The following PACRG variants were observed in gnomAD, a reference collection of about 807,000 sequenced individuals.
PACRG encodes parkin coregulated gene protein.
PACRG carries 29 observed loss-of-function variants against 29.7 expected under a neutral mutation model. The observed-to-expected ratio is 0.98, with a 90% CI of 0.73 to 1.33. PACRG has a LOEUF of 1.33. PACRG is among the 40% of genes most tolerant of loss of function. The pLI is 0.00. For missense variants in PACRG, 279 were observed against 316.2 expected (o/e 0.88, Z 0.89); for synonymous variants, 116 against 118.7 (o/e 0.98, Z 0.15).
intron 2 of PACRG, among the ~76,000 whole-genome samples, chr6:162,890,252 T>G (rs1038318762): frequency 1.1e-4 from 17 of 152,212 alleles, no homozygotes; most frequent in African/African-American, 3.6e-4. Context: ...AAGATTTAAG[T>G]GATAAAATGT....
At chr6:163,033,732 T>C (rs764518452) in intron 2 of PACRG, among the ~76,000 whole-genome samples, 11 of 152,196 alleles carry the variant, frequency 7.2e-5, no homozygotes, top group Admixed American at 1.3e-4. Flanking sequence ...CAGGCCACCA[T>C]TGTGAAAAGA....
At chr6:163,119,072 T>A (rs1421675682) in intron 4 of PACRG, among the ~76,000 whole-genome samples, 1 of 152,248 alleles carries the variant, frequency 6.6e-6, no homozygotes, top group Admixed American at 6.5e-5. Flanking sequence ...CTTTCAGGCA[T>A]GAGCAGGAAA....
At chr6:162,791,505 C>T (rs766868333) in intron 1 of PACRG, among the ~76,000 whole-genome samples, 8 of 152,020 alleles carry the variant, frequency 5.3e-5, no homozygotes, top group Non-Finnish European at 1.5e-5. Context: ...ATTGCCTGAT[C>T]CTTCTAAAGT....
At chr6:163,303,455 C>T (rs192854521) in intron 4 of PACRG, among the ~76,000 whole-genome samples, 1 of 152,330 alleles carries the variant, frequency 6.6e-6, no homozygotes, top group East Asian at 1.9e-4. Flanking sequence ...AGTCTGATAG[C>T]AGCTGCCAGG....
Position 163,314,874 on chromosome 6 carries a change from A to T in PACRG, c.661A>T (p.Ile221Phe). The change falls in exon 5 of 5, where the codon ATT becomes TTT. Residue 221 changes from isoleucine (I) to phenylalanine (F), a missense_variant. Coordinates refer to ENST00000366888, the MANE Select transcript of PACRG (RefSeq NM_001080379.2). Reference sequence around the variant, plus strand: ...CTACAGCCAGCAGAAGAGGGAGAACATTGGGGACTTGATCCAGGAGACACT... The same window carrying T: ...CTACAGCCAGCAGAAGAGGGAGAACTTTGGGGACTTGATCCAGGAGACACT... ...IDYSQQKRENIGDLIQETLEA... is the reference protein window; with the variant it reads ...IDYSQQKRENFGDLIQETLEA... 6.2e-7 allele frequency: 1 copy of T among 1,614,184 alleles called. No homozygotes were observed.
intron 2 of PACRG, among the ~76,000 whole-genome samples, chr6:162,964,900 C>T (rs181110579): frequency 1.0e-3 from 154 of 152,330 alleles, no homozygotes; most frequent in Non-Finnish European, 1.8e-3. Context: ...GGGAAATTCT[C>T]CAAGAGCTTT....
intron 4 of PACRG, among the ~76,000 whole-genome samples, chr6:163,134,149 C>T (rs536121233): frequency 1.3e-5 from 2 of 152,144 alleles, no homozygotes; most frequent in Non-Finnish European, 2.9e-5. Flanking sequence ...CTTTCCCTTC[C>T]GTTCCATGTC....
At chr6:162,771,502 A>G (rs1022022675) in intron 1 of PACRG, among the ~76,000 whole-genome samples, 1 of 152,064 alleles carries the variant, frequency 6.6e-6, no homozygotes, top group Admixed American at 6.6e-5. Flanking sequence ...GCGGGAGTGG[A>G]GGTGGCTTCT....
At chr6:163,073,158 C>T (rs1812232561) in intron 3 of PACRG, among the ~76,000 whole-genome samples, 1 of 152,030 alleles carries the variant, frequency 6.6e-6, no homozygotes, top group Admixed American at 6.6e-5. Flanking sequence ...CTATCCGAAG[C>T]AAAAAGAATA....
At chr6:162,924,391 C>T (rs750060316) in intron 2 of PACRG, among the ~76,000 whole-genome samples, 4 of 151,910 alleles carry the variant, frequency 2.6e-5, no homozygotes, top group East Asian at 1.9e-4. Flanking sequence ...CTTTATCTTG[C>T]GTAATTGCTC....
At chr6:163,300,110 G>A (rs1381282975) in intron 4 of PACRG, among the ~76,000 whole-genome samples, 1 of 152,214 alleles carries the variant, frequency 6.6e-6, no homozygotes. Context: ...CAGAAAATCA[G>A]TTGAGCCCTT....
chr6:162,807,745 G>A (rs1786480046), intron 1 of PACRG, among the ~76,000 whole-genome samples: 1 of 152,128 alleles, frequency 6.6e-6, no homozygotes, highest in Non-Finnish European at 1.5e-5. Context: ...GAGACATGAA[G>A]TGAGCCGATG....
chr6:163,274,714 G>A (rs1438389455), intron 4 of PACRG, among the ~76,000 whole-genome samples: 2 of 152,140 alleles, frequency 1.3e-5, no homozygotes, highest in Non-Finnish European at 2.9e-5. Context: ...ACTTTTTAAT[G>A]ATCACCGTTC....
chr6:163,109,723 G>A (rs1196430388), intron 4 of PACRG, among the ~76,000 whole-genome samples: 1 of 152,114 alleles, frequency 6.6e-6, no homozygotes, highest in African/African-American at 2.4e-5. Context: ...CAGAAAACCT[G>A]CCAATTGACT....
chr6:162,754,923 G>A (rs1399164082), intron 1 of PACRG, among the ~76,000 whole-genome samples: 2 of 152,102 alleles, frequency 1.3e-5, no homozygotes, highest in African/African-American at 4.8e-5. Context: ...GCTTTCCTTT[G>A]GTGGGGGACT....
chr6:162,981,389 T>C (rs1227899090), intron 2 of PACRG, among the ~76,000 whole-genome samples: 1 of 151,562 alleles, frequency 6.6e-6, no homozygotes, highest in Admixed American at 6.6e-5. Context: ...TATATGTATA[T>C]ATACACACAC....
At chr6:163,133,551 T>C (rs1045570337) in intron 4 of PACRG, among the ~76,000 whole-genome samples, 1 of 152,224 alleles carries the variant, frequency 6.6e-6, no homozygotes, top group Non-Finnish European at 1.5e-5. Flanking sequence ...AACTTCATTT[T>C]CCAGCTTCAT....
At chr6:163,295,385 ACT>A (rs1223700342) in intron 4 of PACRG, among the ~76,000 whole-genome samples, 3 of 152,200 alleles carry the variant, frequency 2.0e-5, no homozygotes, top group Admixed American at 6.5e-5. Flanking sequence ...CCACACCGAC[ACT>A]GAGTGCCCTT....
chr6:163,195,780 A>C (rs1168428358), intron 4 of PACRG, among the ~76,000 whole-genome samples: 2 of 152,210 alleles, frequency 1.3e-5, no homozygotes, highest in South Asian at 4.1e-4. Flanking sequence ...TCAAAGTTTC[A>C]GTTCCCACGG....
Sources: gnomAD v4.1 joint callset for allele counts (sites outside exome capture counted in the v4.1 genomes callset) on GRCh38, gnomAD v4.1.1 for gene constraint, MANE v1.5 for transcripts, NCBI Gene and HGNC (gene_info 2026-07-23, HGNC 2026-07-21) for gene names.